ADCY8: variants seen among roughly 807,000 people sequenced by gnomAD.
ADCY8 encodes adenylate cyclase 8.
Under a neutral mutation model 119.7 loss-of-function variants are expected in ADCY8, and 51 were observed. The observed-to-expected ratio is 0.43, with a 90% CI of 0.34 to 0.54. The LOEUF is 0.54. ADCY8 is among the 20% of genes least tolerant of loss of function. ADCY8 has a pLI of 0.03. For synonymous variants in ADCY8, 665 were observed against 651.0 expected (o/e 1.02, Z -0.33); for missense variants, 1,383 against 1,598.8 (o/e 0.87, Z 2.30).
At chr8:130,872,082 A>C (rs1300211438) in intron 8 of ADCY8, among the ~76,000 whole-genome samples, 1 of 152,238 alleles carries the variant, frequency 6.6e-6, no homozygotes, top group African/African-American at 2.4e-5. Flanking sequence ...CACTTGGAAC[A>C]AATTACAAAT....
intron 4 of ADCY8, 140 bp from the exon 5 acceptor site, chr8:130,937,340 C>T (rs546295731): frequency 9.6e-6 from 8 of 835,916 alleles, no homozygotes; most frequent in South Asian, 7.3e-5. Flanking sequence ...TATACTTCTA[C>T]CTGTCTTTCT....
intron 11 of ADCY8, among the ~76,000 whole-genome samples, chr8:130,837,187 A>C (rs1294677058): frequency 2.0e-5 from 3 of 151,970 alleles, no homozygotes; most frequent in African/African-American, 7.3e-5. Flanking sequence ...TCTACTCCAT[A>C]TTTCTAAAGC....
chr8:130,953,188 A>G (rs1821327460), intron 2 of ADCY8, among the ~76,000 whole-genome samples: 1 of 152,202 alleles, frequency 6.6e-6, no homozygotes, highest in African/African-American at 2.4e-5. Context: ...TAGGGTAATT[A>G]TCATTGATAT....
chr8:131,021,383 C>T (rs1260598592), intron 1 of ADCY8, among the ~76,000 whole-genome samples: 1 of 152,004 alleles, frequency 6.6e-6, no homozygotes, highest in African/African-American at 2.4e-5. Context: ...AGAAAGATGG[C>T]TAAAGGATGT....
chr8:130,797,206 G>C (rs970934558), intron 15 of ADCY8, among the ~76,000 whole-genome samples: 3 of 152,146 alleles, frequency 2.0e-5, no homozygotes, highest in South Asian at 2.1e-4. Flanking sequence ...TTTGTAAACT[G>C]TCTTAAAACA....
chr8:130,926,960 T>TATATATATAC (rs1554616978), intron 5 of ADCY8, among the ~76,000 whole-genome samples: 4 of 144,058 alleles, frequency 2.8e-5, no homozygotes, highest in South Asian at 2.2e-4. Flanking sequence ...TATATATATA[T>TATATATATAC]ACACACACCA....
intron 7 of ADCY8, 105 bp downstream of exon 7, chr8:130,903,667 T>C (rs1819681404): frequency 1.5e-6 from 2 of 1,301,104 alleles, no homozygotes; most frequent in South Asian, 2.8e-5. Flanking sequence ...TGGTGTTCAT[T>C]GGAGAAAAGG....
At chr8:130,854,559 T>C (rs1817645074) in intron 9 of ADCY8, among the ~76,000 whole-genome samples, 1 of 152,218 alleles carries the variant, frequency 6.6e-6, no homozygotes, top group Non-Finnish European at 1.5e-5. Context: ...TCTTTGATCC[T>C]TGCAGCAACC....
At chr8:131,016,207 A>T (rs1169556535) in intron 1 of ADCY8, among the ~76,000 whole-genome samples, 3 of 152,036 alleles carry the variant, frequency 2.0e-5, no homozygotes, top group African/African-American at 7.2e-5. Context: ...GTGGGAATGC[A>T]GTATGGTGGG....
chr8:130,899,132 A>G (rs898593604), intron 7 of ADCY8, among the ~76,000 whole-genome samples: 3 of 152,186 alleles, frequency 2.0e-5, no homozygotes, highest in Admixed American at 6.5e-5. Context: ...TCCTCTGTTT[A>G]GAATGCTCTT....
intron 7 of ADCY8, among the ~76,000 whole-genome samples, chr8:130,897,374 G>A (rs993370903): frequency 1.3e-5 from 2 of 152,096 alleles, no homozygotes; most frequent in Non-Finnish European, 2.9e-5. Flanking sequence ...AGCCCAGCCA[G>A]CCCCCACTGA....
At chr8:130,903,529 CAAA>C (rs35960116) in intron 7 of ADCY8, among the ~76,000 whole-genome samples, 1 of 122,776 alleles carries the variant, frequency 8.1e-6, no homozygotes, top group Non-Finnish European at 1.7e-5. Flanking sequence ...AGCTAGGTTA[CAAA>C]AAAAAAAAAA....
At chr8:130,841,476 A>G (rs984069197) in intron 11 of ADCY8, among the ~76,000 whole-genome samples, 111 of 152,350 alleles carry the variant, frequency 7.3e-4, no homozygotes, top group African/African-American at 2.5e-3. Context: ...TGAAACAAAC[A>G]GTTTACAAAC....
intron 14 of ADCY8, among the ~76,000 whole-genome samples, chr8:130,812,184 A>T (rs1816189811): frequency 6.6e-6 from 1 of 151,538 alleles, no homozygotes; most frequent in Non-Finnish European, 1.5e-5. Context: ...CCTCCTATCC[A>T]CTCTCTATCA....
chr8:130,928,828 T>C (rs1177968138), intron 5 of ADCY8, among the ~76,000 whole-genome samples: 1 of 152,196 alleles, frequency 6.6e-6, no homozygotes, highest in African/African-American at 2.4e-5. Flanking sequence ...GGAAACAGTT[T>C]TCCCTCTTCA....
intron 7 of ADCY8, among the ~76,000 whole-genome samples, chr8:130,900,331 T>C (rs1819553992): frequency 6.6e-6 from 1 of 152,120 alleles, no homozygotes; most frequent in African/African-American, 2.4e-5. Context: ...CAGATAATTA[T>C]TAGTGATTTT....
chr8:130,821,279 G>A, intron 13 of ADCY8, 63 bp downstream of exon 13: 2 of 1,404,318 alleles, frequency 1.4e-6, no homozygotes, highest in Non-Finnish European at 1.0e-6. Context: ...AGCAGCAGAG[G>A]CCAGTTTGAT....
chr8:130,782,156 T>G (rs1190809384), intron 17 of ADCY8, among the ~76,000 whole-genome samples: 1 of 152,076 alleles, frequency 6.6e-6, no homozygotes, highest in African/African-American at 2.4e-5. Flanking sequence ...CATGCAGATA[T>G]CTCGGTAAGA....
chr8:130,854,828 TCCC>T lies in ADCY8; in HGVS notation c.2211-5028_2211-5026del, dbSNP rs1563694472. On this transcript the variant is annotated intron_variant, in intron 9 of 17. Transcript: ENST00000286355. ...GTCCCTCCCTCCCTCCCTCCCTCCC[TCCC>T]TCCCTCCCTTCCTTCCCTCCCTCCC... Among the ~76,000 whole-genome samples, 50 of 21,846 alleles carry T rather than the reference TCCC, an allele frequency of 2.3e-3. 1 individual carries two copies. Among genetic ancestry groups the T allele is most frequent in the African/African-American group, 4.3e-3 (25 of 5,776 alleles). 14.3% of individuals were successfully genotyped at this position (21,846 alleles called of 152,430 possible).
Sources: allele counts gnomAD v4.1 joint callset (sites outside exome capture counted in the v4.1 genomes callset), GRCh38; gene constraint gnomAD v4.1.1; transcripts MANE v1.5; gene names NCBI Gene and HGNC (gene_info 2026-07-23, HGNC 2026-07-21).